The following UNC5B variants were observed in gnomAD, a reference collection of about 807,000 sequenced individuals.
UNC5B encodes the protein unc-5 netrin receptor B.
UNC5B carries 56 observed loss-of-function variants against 103.7 expected under a neutral mutation model. The observed-to-expected ratio is 0.54, with a 90% CI of 0.44 to 0.67. UNC5B has a LOEUF of 0.67. UNC5B is among the 30% of genes least tolerant of loss of function. The pLI is 0.00. For missense variants in UNC5B, 1,194 were observed against 1,284.5 expected, an observed-to-expected ratio of 0.93 and a Z score of 1.08; for synonymous variants, 577 against 542.0, an observed-to-expected ratio of 1.06 and a Z score of -0.90.
Position 71,288,700 on chromosome 10 carries a change from C to CT in UNC5B, c.1035dup (p.Lys346Ter). ...GACTGCAGCGGGACGCTGCTCGACT[C>CT]TAAGAACTGCACAGATGGGCTGTGC... On this transcript the variant is annotated frameshift_variant, in exon 7 of 17. Coordinates refer to ENST00000335350, the MANE Select transcript of UNC5B (RefSeq NM_170744.5). LOFTEE classifies it high-confidence loss of function. 1.2e-6 allele frequency: 2 copies of CT among 1,613,546 alleles called. No homozygotes were observed. The highest frequency in any genetic ancestry group is 1.7e-6 in the Non-Finnish European group (2 of 1,179,852).
rs115390074 is a variant in UNC5B, at chr10:71,246,373, G to A, written c.79+33309G>A. Among the ~76,000 whole-genome samples, 657 of 152,230 alleles carry A rather than the reference G, an allele frequency of 4.3e-3. 3 individuals carry two copies. Among genetic ancestry groups the A allele is most frequent in the African/African-American group, 0.015 (614 of 41,538 alleles). On this transcript the variant is annotated intron_variant, in intron 1 of 16. Transcript: ENST00000335350. ...TTGTGGCTCTCCACACCCAGGGGCAGGTGAGATCACAGTGGGGTGGGGGGC... is the reference window on the plus strand; with the variant it reads ...TTGTGGCTCTCCACACCCAGGGGCAAGTGAGATCACAGTGGGGTGGGGGGC...
chr10:71,252,291 T>G (rs1367325339), intron 1 of UNC5B, among the ~76,000 whole-genome samples: 1 of 152,220 alleles, frequency 6.6e-6, no homozygotes, highest in African/African-American at 2.4e-5. Flanking sequence ...CACCAGGCTG[T>G]GAGGGTGGCT....
intron 3 of UNC5B, 115 bp downstream of exon 3, chr10:71,284,978 C>A: frequency 1.4e-6 from 2 of 1,438,960 alleles, no homozygotes; most frequent in Non-Finnish European, 1.9e-6. Flanking sequence ...GCTGAGGATG[C>A]CCACGGCAGA....
rs1001862130 is a variant in UNC5B, at chr10:71,298,193, C to T, written c.2672+103C>T. 3 of 1,367,334 alleles carry T rather than the reference C, an allele frequency of 2.2e-6. No individual in the cohort carries two copies. In the Admixed American group the frequency reaches 7.2e-5, roughly 33 times the overall value. The allele number at this position is 1,367,334 out of a possible 1,614,324, so 84.7% of individuals were successfully genotyped here. A position where few individuals can be genotyped will look rare whatever the true frequency, so the allele number is the denominator to read the frequency against. Reference sequence around the variant, plus strand: ...CTGACAGCCACGACCATCTCCCAGACCAGCTGCCCTTTTGCCACCATTTGT... The same window carrying T: ...CTGACAGCCACGACCATCTCCCAGATCAGCTGCCCTTTTGCCACCATTTGT... On this transcript the variant is annotated intron_variant, in intron 16 of 16. Transcript: ENST00000335350.
intron 1 of UNC5B, among the ~76,000 whole-genome samples, chr10:71,243,927 T>C (rs994781191): frequency 9.2e-5 from 14 of 152,246 alleles, no homozygotes; most frequent in Non-Finnish European, 2.1e-4. Flanking sequence ...TAGTTTATAA[T>C]TGAGTACACC....
chr10:71,255,637 G>A (rs1844273588), intron 1 of UNC5B, among the ~76,000 whole-genome samples: 2 of 152,236 alleles, frequency 1.3e-5, no homozygotes, highest in African/African-American at 4.8e-5. Context: ...ATGAGCGGAA[G>A]CCCTTTAAAG....
chr10:71,244,826 G>T lies in UNC5B; in HGVS notation c.79+31762G>T, dbSNP rs560096379. The stretch of plus-strand genomic sequence containing the variant: ...CGCCGAACTGGTTGGCGGCGGGGGC[G>T]TGCTGGCGTGCTTGTGTGACTGTGG... On this transcript the variant is annotated intron_variant, in intron 1 of 16. Transcript: ENST00000335350. Among the ~76,000 whole-genome samples, 60 of 152,318 alleles carry T rather than the reference G, an allele frequency of 3.9e-4. No individual in the cohort carries two copies. In the East Asian group the frequency reaches 0.01, roughly 27 times the overall value.
At chr10:71,236,763 A>T (rs181639202) in intron 1 of UNC5B, among the ~76,000 whole-genome samples, 64 of 152,270 alleles carry the variant, frequency 4.2e-4, no homozygotes, top group African/African-American at 1.5e-3. Flanking sequence ...GGGAGAATGG[A>T]TGGGGAGGTC....
chr10:71,230,167 A>G (rs1296871630), intron 1 of UNC5B, among the ~76,000 whole-genome samples: 1 of 152,138 alleles, frequency 6.6e-6, no homozygotes, highest in Non-Finnish European at 1.5e-5. Flanking sequence ...TCCTTCAAGG[A>G]CACCCTGTCT....
chr10:71,280,970 GCT>G (rs1280981149), intron 2 of UNC5B, among the ~76,000 whole-genome samples: 1 of 152,062 alleles, frequency 6.6e-6, no homozygotes, highest in Non-Finnish European at 1.5e-5. Context: ...TCCTTCTTCA[GCT>G]CTGTTTATTT....
chr10:71,240,059 C>T (rs1438717124), intron 1 of UNC5B, among the ~76,000 whole-genome samples: 1 of 152,136 alleles, frequency 6.6e-6, no homozygotes, highest in African/African-American at 2.4e-5. Context: ...CCTGCTGAGC[C>T]TTCCTTCCCT....
intron 1 of UNC5B, among the ~76,000 whole-genome samples, chr10:71,215,908 T>A (rs1315751691): frequency 6.6e-6 from 1 of 152,116 alleles, no homozygotes; most frequent in Admixed American, 6.5e-5. Flanking sequence ...GCACTCACTG[T>A]AGCAAACACC....
chr10:71,289,130 A>G lies in UNC5B; in HGVS notation c.1099+140A>G, dbSNP rs868124307. 38 of 1,114,972 alleles carry G rather than the reference A, an allele frequency of 3.4e-5. No homozygotes were observed. In the South Asian group the frequency reaches 4.6e-4, roughly 13 times the overall value. The allele number at this position is 1,114,972 out of a possible 1,614,324, so 69.1% of individuals were successfully genotyped here. ...CCCCACGGGATCATCTACACCTGACACTGCATGTGTCTGCATCTCCATCAC... is the reference window on the plus strand; with the variant it reads ...CCCCACGGGATCATCTACACCTGACGCTGCATGTGTCTGCATCTCCATCAC... On this transcript the variant is annotated intron_variant, in intron 8 of 16. Transcript: ENST00000335350.
intron 2 of UNC5B, among the ~76,000 whole-genome samples, chr10:71,282,007 G>GCCC (rs1235411642): frequency 6.6e-6 from 1 of 152,186 alleles, no homozygotes; most frequent in Non-Finnish European, 1.5e-5. Context: ...GCCTGCTGGG[G>GCCC]CCCCTCACAG....
chr10:71,284,229 C>T (rs1223708258), intron 2 of UNC5B, among the ~76,000 whole-genome samples: 1 of 151,982 alleles, frequency 6.6e-6, no homozygotes, highest in African/African-American at 2.4e-5. Context: ...GACTGGGAGG[C>T]CACCAGGCCC....
At chr10:71,225,368 C>G (rs1479595488) in intron 1 of UNC5B, among the ~76,000 whole-genome samples, 1 of 152,220 alleles carries the variant, frequency 6.6e-6, no homozygotes, top group African/African-American at 2.4e-5. Flanking sequence ...GATGAGAGGG[C>G]CCACGTGCCC....
intron 1 of UNC5B, among the ~76,000 whole-genome samples, chr10:71,233,069 G>A (rs1226827015): frequency 6.6e-6 from 1 of 152,194 alleles, no homozygotes; most frequent in Non-Finnish European, 1.5e-5. Context: ...TACTTCCACA[G>A]CACTTGTCCA....
At chr10:71,299,053 C>A in intron 16 of UNC5B, 59 bp from the exon 17 acceptor site, 1 of 1,598,866 alleles carries the variant, frequency 6.3e-7, no homozygotes, top group South Asian at 1.1e-5. Flanking sequence ...CCTTCACCTC[C>A]AGGCTCCGGG....
chr10:71,255,199 G>A (rs1374043833), intron 1 of UNC5B, among the ~76,000 whole-genome samples: 1 of 152,152 alleles, frequency 6.6e-6, no homozygotes, highest in African/African-American at 2.4e-5. Flanking sequence ...CCTTTGTTGG[G>A]TATCTTACTC....
Sources: allele counts gnomAD v4.1 joint callset (sites outside exome capture counted in the v4.1 genomes callset), GRCh38; gene constraint gnomAD v4.1.1; transcripts MANE v1.5; gene names NCBI Gene and HGNC (gene_info 2026-07-23, HGNC 2026-07-21).